Variants in ACSM5 observed in about 807,000 individuals in gnomAD.
ACSM5 encodes acyl-coenzyme A synthetase ACSM5, mitochondrial.
In ACSM5, 56 loss-of-function variants were observed where a neutral mutation model predicts 71.6. The ratio of observed to expected loss-of-function variants is 0.78; its 90% confidence interval spans 0.63 to 0.98. The LOEUF (loss-of-function observed/expected upper bound fraction) is 0.98, where lower values mean the gene tolerates loss of function less well. ACSM5 is among the 50% of genes least tolerant of loss of function. The pLI is 0.00. For synonymous variants in ACSM5, 285 were observed against 281.5 expected, an observed-to-expected ratio of 1.01 and a Z score of -0.12; for missense variants, 723 against 726.0, an observed-to-expected ratio of 1.00 and a Z score of 0.05.
intron 6 of ACSM5, among the ~76,000 whole-genome samples, chr16:20,426,825 G>A (rs1966989525): frequency 6.6e-6 from 1 of 152,078 alleles, no homozygotes; most frequent in South Asian, 2.1e-4. Context: ...TAGTTCTGGA[G>A]GTGGATGGTA....
intron 2 of ACSM5, 29 bp from the exon 3 acceptor site, chr16:20,418,029 CT>C (rs750117508): frequency 4.8e-5 from 75 of 1,550,448 alleles, no homozygotes; most frequent in Admixed American, 2.1e-4. Context: ...TAAATTGCTT[CT>C]TTTTTTTTCT....
At chr16:20,433,030 G>T (rs754078821) in intron 10 of ACSM5, among the ~76,000 whole-genome samples, 1 of 151,650 alleles carries the variant, frequency 6.6e-6, no homozygotes. Context: ...GGTAATTTTG[G>T]TATTTTTAGT....
chr16:20,432,968 G>A (rs1413472169), intron 10 of ACSM5, among the ~76,000 whole-genome samples: 4 of 144,486 alleles, frequency 2.8e-5, no homozygotes, highest in African/African-American at 2.6e-5. Flanking sequence ...AGCAACTCTC[G>A]CGCTCCAGTC....
At chr16:20,412,402 G>A (rs979147774) in intron 2 of ACSM5, among the ~76,000 whole-genome samples, 2 of 152,050 alleles carry the variant, frequency 1.3e-5, no homozygotes, top group Non-Finnish European at 2.9e-5. Flanking sequence ...GGAAAGAATA[G>A]GGCTCAGGCT....
In ACSM5 at chr16:20,411,627, T is replaced by C. The variant is rs1250424333; in HGVS notation, c.143T>C (p.Leu48Pro). The C allele has an allele frequency of 7.4e-6, 12 of 1,614,172 alleles. No homozygotes were observed. Among genetic ancestry groups the C allele is most frequent in the East Asian group, 2.2e-5 (1 of 44,852 alleles). Reference sequence around the variant, plus strand: ...GAAGCCATCAGCCTGGGAAGGCAGCTGGTGCCTGAGTACTTCAACTTCGCC... The same window carrying C: ...GAAGCCATCAGCCTGGGAAGGCAGCCGGTGCCTGAGTACTTCAACTTCGCC... ...TWEAISLGRQ[L>P]VPEYFNFAHD... Residue 48 changes from leucine (L) to proline (P), a missense_variant, in exon 2 of 14, where the codon CTG (leucine) becomes CCG (proline). Coordinates refer to ENST00000331849, the MANE Select transcript of ACSM5 (RefSeq NM_017888.3).
chr16:20,440,523 C>T lies in ACSM5; in HGVS notation c.*96C>T. ...CCATGGGGAGCATCATCTCTTCGAC[C>T]CTAAAGATGTCAAAGGTGTGCAGCT... On this transcript the variant is annotated 3_prime_UTR_variant, in exon 14 of 14. Transcript: ENST00000331849. 8.8e-7 allele frequency: 1 copy of T among 1,135,098 alleles called. No homozygotes were observed. The highest frequency in any genetic ancestry group is 1.3e-6 in the Non-Finnish European group (1 of 755,336). The allele number at this position is 1,135,098 out of a possible 1,614,324, so 70.3% of individuals were successfully genotyped here. A position where few individuals can be genotyped will look rare whatever the true frequency, so the allele number is the denominator to read the frequency against.
intron 7 of ACSM5, among the ~76,000 whole-genome samples, chr16:20,429,288 C>T (rs1337451397): frequency 6.6e-6 from 1 of 152,146 alleles, no homozygotes; most frequent in Non-Finnish European, 1.5e-5. Flanking sequence ...GCTGGGACTA[C>T]AGGTGTGAGC....
At chr16:20,425,557 G>A (rs555203438) in intron 6 of ACSM5, among the ~76,000 whole-genome samples, 1 of 152,268 alleles carries the variant, frequency 6.6e-6, no homozygotes, top group Admixed American at 6.5e-5. Context: ...CACCCAATTT[G>A]TAGTCTTTTA....
chr16:20,430,200 T>TACACACACACAC (rs199835504), intron 8 of ACSM5, among the ~76,000 whole-genome samples: 15 of 144,858 alleles, frequency 1.0e-4, no homozygotes, highest in African/African-American at 3.5e-4. Context: ...GCTATTGAAA[T>TACACACACACAC]ACACACACAC....
At position 20,423,808 on chromosome 16, in the gene ACSM5, A is replaced by C. The variant is rs1242831924; in HGVS notation, c.768-108A>C. On this transcript the variant is annotated intron_variant, in intron 5 of 13. Transcript: ENST00000331849. Reference sequence around the variant, plus strand: ...GTCTTGTTCAGGTTTCACAAGTATAAGTGAGTACCCACTGAGCAGGGCTCC... The same window carrying C: ...GTCTTGTTCAGGTTTCACAAGTATACGTGAGTACCCACTGAGCAGGGCTCC... 1.8e-5 allele frequency: 24 copies of C among 1,342,244 alleles called. No homozygotes were observed. The South Asian group carries it at 3.0e-4, about 17-fold the overall frequency. The allele number at this position is 1,342,244 out of a possible 1,614,324, so 83.1% of individuals were successfully genotyped here. A position where few individuals can be genotyped will look rare whatever the true frequency, so the allele number is the denominator to read the frequency against.
rs564506362 is a variant in ACSM5 at position 20,411,679 on chromosome 16, G to A, written c.195G>A (p.Arg65=). The A allele has an allele frequency of 6.2e-7, 1 of 1,613,882 alleles. No individual in the cohort carries two copies. Among genetic ancestry groups the A allele is most frequent in the Non-Finnish European group, 8.5e-7 (1 of 1,180,022 alleles). The change falls in exon 2 of 14, where the codon CGG becomes CGA. Residue 65 remains arginine, a synonymous_variant. Transcript: ENST00000331849. ...ATGATGTGCTGGATGTGTGGAGTCG[G>A]CTGGAAGAGGTGAAGCCTGTTCTGT... ...FAHDVLDVWS[R]LEEAGHRPPN... is the part of the protein sequence containing the mutation.
chr16:20,421,428 C>A (rs1399461444), intron 5 of ACSM5, 27 bp downstream of exon 5: 17 of 1,537,798 alleles, frequency 1.1e-5, no homozygotes, highest in Non-Finnish European at 1.4e-5. Flanking sequence ...TCTAGAGGAT[C>A]CAAGAACAGA....
intron 10 of ACSM5, among the ~76,000 whole-genome samples, chr16:20,432,541 A>T (rs1967119215): frequency 6.6e-6 from 1 of 152,188 alleles, no homozygotes; most frequent in South Asian, 2.1e-4. Context: ...TCATGTTAAC[A>T]TTTAATGTAT....
intron 6 of ACSM5, among the ~76,000 whole-genome samples, chr16:20,426,091 T>C (rs1270043172): frequency 6.6e-6 from 1 of 152,172 alleles, no homozygotes; most frequent in Admixed American, 6.5e-5. Context: ...TGCCAACATC[T>C]ATTATTTTTT....
At chr16:20,419,529 A>G in intron 4 of ACSM5, 94 bp downstream of exon 4, 2 of 1,246,114 alleles carry the variant, frequency 1.6e-6, no homozygotes, top group Non-Finnish European at 2.3e-6. Context: ...ACACATAGAG[A>G]GCGAATCAGA....
At chr16:20,419,647 C>T (rs2141645632) in intron 4 of ACSM5, 1 of 584,960 alleles carries the variant, frequency 1.7e-6, no homozygotes, top group Non-Finnish European at 3.0e-6. Context: ...AGCAGCTTTT[C>T]TGTGCTTCAT....
At chr16:20,431,724 G>C (rs1470324708) in intron 10 of ACSM5, among the ~76,000 whole-genome samples, 2 of 152,092 alleles carry the variant, frequency 1.3e-5, no homozygotes, top group Non-Finnish European at 2.9e-5. Flanking sequence ...GCCGAGGCAG[G>C]TGGATCACCT....
Position 20,418,094 on chromosome 16 carries a change from G to A in ACSM5, c.240G>A (p.Trp80Ter). 1 of 1,613,788 alleles carries A rather than the reference G, an allele frequency of 6.2e-7. No individual in the cohort carries two copies. The highest frequency in any genetic ancestry group is 8.5e-7 in the Non-Finnish European group (1 of 1,179,944). ...GCCCCCCAAATCCTGCCTTCTGGTG[G>A]GTCAATGGCACAGGAGCAGAGATCA... ...GHRPPNPAFW[W>*]VNGTGAEIKW... The change falls in exon 3 of 14, where the codon TGG (tryptophan) becomes TGA (stop). Residue 80 changes from tryptophan (W) to a stop codon, truncating the protein, a stop_gained. Transcript: ENST00000331849. LOFTEE classifies it high-confidence loss of function.
chr16:20,437,631 T>TAG, intron 12 of ACSM5, among the ~76,000 whole-genome samples: 1 of 131,864 alleles, frequency 7.6e-6, no homozygotes, highest in African/African-American at 3.0e-5. Flanking sequence ...CAGGAGATCT[T>TAG]GGGGGAGGTG....
Sources: allele counts gnomAD v4.1 joint callset (sites outside exome capture counted in the v4.1 genomes callset), GRCh38; gene constraint gnomAD v4.1.1; transcripts MANE v1.5; gene names NCBI Gene and HGNC (gene_info 2026-07-23, HGNC 2026-07-21).